Variants in PLOD2 observed in about 807,000 individuals in gnomAD.
The protein encoded by PLOD2 is lysine hydroxylase 2.
PLOD2 carries 65 observed loss-of-function variants against 101.0 expected under a neutral mutation model. That is an observed-to-expected ratio of 0.64 (90% CI 0.53 to 0.79). The LOEUF (loss-of-function observed/expected upper bound fraction) is 0.79. PLOD2 is among the 30% of genes least tolerant of loss of function. The pLI, the probability that PLOD2 is intolerant of heterozygous loss-of-function variation, is 0.00. For synonymous variants in PLOD2, 314 were observed against 302.9 expected (o/e 1.04, Z -0.38); for missense variants, 909 against 914.6 (o/e 0.99, Z 0.08).
intron 1 of PLOD2, among the ~76,000 whole-genome samples, chr3:146,127,166 T>C (rs914779288): frequency 6.6e-6 from 1 of 152,198 alleles, no homozygotes; most frequent in Non-Finnish European, 1.5e-5. Context: ...TAGTTCTTTT[T>C]ATTATTTATT....
intron 1 of PLOD2, among the ~76,000 whole-genome samples, chr3:146,138,941 G>GA (rs1417221906): frequency 6.6e-6 from 1 of 152,082 alleles, no homozygotes; most frequent in East Asian, 1.9e-4. Flanking sequence ...TTTGAACCGA[G>GA]AAAGACTAGC....
rs772857104 is a variant in PLOD2, at chr3:146,076,661, A to T, written c.1677+121T>A. 23 of 617,270 alleles carry T rather than the reference A, an allele frequency of 3.7e-5. No individual in the cohort carries two copies. In the Middle Eastern group the frequency reaches 1.8e-3, roughly 48 times the overall value. 38.2% of individuals were successfully genotyped at this position (617,270 alleles called of 1,614,324 possible). ...GAGACAGTATCTCATTGTGGTTTTGATGTGCATTTCACCTTATGTCATTTT... is the reference window on the plus strand; with the variant it reads ...GAGACAGTATCTCATTGTGGTTTTGTTGTGCATTTCACCTTATGTCATTTT... On this transcript the variant is annotated intron_variant, in intron 15 of 19. Transcript: ENST00000282903.
intron 1 of PLOD2, among the ~76,000 whole-genome samples, chr3:146,142,688 G>A (rs1327332807): frequency 6.6e-6 from 1 of 152,096 alleles, no homozygotes; most frequent in Admixed American, 6.6e-5. Flanking sequence ...CAAAGTTTAA[G>A]CACACAAATA....
At chr3:146,079,036 T>C in intron 13 of PLOD2, 80 bp downstream of exon 13, 1 of 1,449,352 alleles carries the variant, frequency 6.9e-7, no homozygotes, top group Non-Finnish European at 9.7e-7. Flanking sequence ...ACAAAGGGCA[T>C]CAAAACACAG....
intron 1 of PLOD2, among the ~76,000 whole-genome samples, chr3:146,150,775 G>T (rs1049516335): frequency 6.6e-6 from 1 of 151,986 alleles, no homozygotes. Flanking sequence ...TAATTTATTT[G>T]ACTTAAAGGT....
intron 1 of PLOD2, among the ~76,000 whole-genome samples, chr3:146,138,102 G>A (rs966871223): frequency 2.6e-5 from 4 of 152,110 alleles, no homozygotes; most frequent in Non-Finnish European, 5.9e-5. Flanking sequence ...CCAAGATGGA[G>A]CAGATCACAG....
chr3:146,083,444 C>G (rs535423486), intron 11 of PLOD2, among the ~76,000 whole-genome samples: 42 of 152,256 alleles, frequency 2.8e-4, no homozygotes, highest in African/African-American at 9.9e-4. Flanking sequence ...AACCACATGT[C>G]TAGATACAGA....
chr3:146,106,304 C>G (rs1215494919), intron 5 of PLOD2, among the ~76,000 whole-genome samples: 1 of 152,188 alleles, frequency 6.6e-6, no homozygotes, highest in Non-Finnish European at 1.5e-5. Context: ...AGTTTGCCAA[C>G]TTGGCCACAA....
intron 1 of PLOD2, among the ~76,000 whole-genome samples, chr3:146,158,462 A>G (rs2032405925): frequency 6.6e-6 from 1 of 152,174 alleles, no homozygotes. Flanking sequence ...GAAAAACTAC[A>G]CTCCAAAAAT....
At chr3:146,124,910 A>G (rs1003725813) in intron 1 of PLOD2, among the ~76,000 whole-genome samples, 7 of 152,162 alleles carry the variant, frequency 4.6e-5, no homozygotes, top group Admixed American at 4.6e-4. Context: ...ATAATGAAAT[A>G]TTACTTTCAA....
Position 146,159,918 on chromosome 3 carries a change from C to G in PLOD2, c.109+963G>C, listed in dbSNP as rs75347704. On this transcript the variant is annotated intron_variant, in intron 1 of 19. Coordinates refer to ENST00000282903, the MANE Select transcript of PLOD2 (RefSeq NM_182943.3). ...TAGCTGGACTGCAAACCAAATGTCACTTTCTGAATGTAACTCTGAAATAGA... is the reference window on the plus strand; with the variant it reads ...TAGCTGGACTGCAAACCAAATGTCAGTTTCTGAATGTAACTCTGAAATAGA... Among the ~76,000 whole-genome samples the G allele has an allele frequency of 4.9e-3, 741 of 152,286 alleles. 6 individuals are homozygous for G. The highest frequency in any genetic ancestry group is 0.017 in the African/African-American group (706 of 41,562).
At chr3:146,088,320 A>G (rs1936855707) in intron 9 of PLOD2, among the ~76,000 whole-genome samples, 1 of 151,656 alleles carries the variant, frequency 6.6e-6, no homozygotes, top group South Asian at 2.1e-4. Flanking sequence ...CCTTGATTAT[A>G]TATTAATTTA....
intron 7 of PLOD2, among the ~76,000 whole-genome samples, chr3:146,095,641 G>C (rs1161628517): frequency 2.0e-5 from 3 of 152,110 alleles, no homozygotes; most frequent in Admixed American, 6.5e-5. Context: ...TTGTGGAAGA[G>C]AGTGTAGTGA....
Position 146,115,081 on chromosome 3 carries a change from T to A in PLOD2, c.339-4633A>T, listed in dbSNP as rs138121244. 2.1e-3 allele frequency among the ~76,000 whole-genome samples: 326 copies of A among 152,218 alleles called. 1 individual carries two copies. Among genetic ancestry groups the A allele is most frequent in the African/African-American group, 7.3e-3 (302 of 41,536 alleles). ...GCACGGAACCTGCCAACATGTGATG[T>A]CTCCCCCGGACACCCAGCTTTAAAA... On this transcript the variant is annotated intron_variant, in intron 3 of 19. Coordinates refer to ENST00000282903, the MANE Select transcript of PLOD2 (RefSeq NM_182943.3).
At position 146,086,793 on chromosome 3, in the gene PLOD2, A is replaced by G. The variant is rs1375613099; in HGVS notation, c.1121T>C (p.Met374Thr). Residue 374 changes from methionine to threonine, a missense_variant, in exon 10 of 20, where the codon ATG becomes ACG. Met to Thr is a moderately conservative substitution (Grantham distance 81). Transcript: ENST00000282903. ...TTAATTTATTAAAACATACATTCCCATGTTTCTGGCTTCCGCTTGACTTAG... is the reference window on the plus strand; with the variant it reads ...TTAATTTATTAAAACATACATTCCCGTGTTTCTGGCTTCCGCTTGACTTAG... ...ENLSQAEARNMGMDFCRQDEK... is the reference protein window; with the variant it reads ...ENLSQAEARNTGMDFCRQDEK... The G allele has an allele frequency of 6.8e-7, 1 of 1,464,682 alleles. No individual in the cohort carries two copies. The allele number at this position is 1,464,682 out of a possible 1,614,324, so 90.7% of individuals were successfully genotyped here.
At position 146,081,729 on chromosome 3, in the gene PLOD2, G is replaced by A. The variant is rs913968745; in HGVS notation, c.1358+9C>T. 2.5e-6 allele frequency: 4 copies of A among 1,600,184 alleles called. No individual in the cohort carries two copies. The highest frequency in any genetic ancestry group is 3.4e-6 in the Non-Finnish European group (4 of 1,168,228). On this transcript the variant is annotated intron_variant, in intron 12 of 19. Transcript: ENST00000282903. ...ATTTCACATTAAAATATTAAACCAA[G>A]TAACTTACACTCTATTCCCTTGAAC...
At position 146,081,931 on chromosome 3, in the gene PLOD2, G is replaced by C. The variant is rs1936556875; in HGVS notation, c.1233-68C>G. The C allele has an allele frequency of 4.2e-6, 6 of 1,426,512 alleles. No homozygotes were observed. The East Asian group carries it at 1.5e-4, about 36-fold the overall frequency. The allele number at this position is 1,426,512 out of a possible 1,614,324, so 88.4% of individuals were successfully genotyped here. The stretch of plus-strand genomic sequence containing the variant: ...AATTATTTATTTTTAAATTACCACA[G>C]AATTATGTATTTTGGGCTTAGTATG... On this transcript the variant is annotated intron_variant, in intron 11 of 19. Coordinates refer to ENST00000282903, the MANE Select transcript of PLOD2 (RefSeq NM_182943.3).
intron 1 of PLOD2, among the ~76,000 whole-genome samples, chr3:146,149,636 A>C (rs2031965439): frequency 6.6e-6 from 1 of 152,180 alleles, no homozygotes; most frequent in South Asian, 2.1e-4. Flanking sequence ...TATTAATAAG[A>C]TAAAAGTTTA....
intron 11 of PLOD2, among the ~76,000 whole-genome samples, chr3:146,082,562 G>A (rs6440415): frequency 0.51 from 77,096 of 151,876 alleles, 19,674 homozygotes; most frequent in East Asian, 0.56. Flanking sequence ...AAGACCAGCC[G>A]GGCCCTTTCT....
Sources: allele counts gnomAD v4.1 joint callset (sites outside exome capture counted in the v4.1 genomes callset), GRCh38; gene constraint gnomAD v4.1.1; transcripts MANE v1.5; gene names NCBI Gene and HGNC (gene_info 2026-07-23, HGNC 2026-07-21).